Variants in MMS19 observed in about 807,000 individuals in gnomAD.
The protein encoded by MMS19 is MMS19 cytosolic iron-sulfur assembly component.
A neutral mutation model predicts 129.8 loss-of-function variants in MMS19; 77 were observed. The ratio of observed to expected loss-of-function variants is 0.59; its 90% CI spans 0.49 to 0.72. MMS19 has a LOEUF of 0.72. MMS19 is among the 30% of genes least tolerant of loss of function. MMS19 has a pLI of 0.00. For synonymous variants in MMS19, 491 were observed against 502.8 expected (o/e 0.98, Z 0.31); for missense variants, 1,168 against 1,266.3 (o/e 0.92, Z 1.18).
chr10:97,498,393 C>A lies in MMS19; in HGVS notation c.-9G>T. The A allele has an allele frequency of 6.3e-7, 1 of 1,579,792 alleles. No individual in the cohort carries two copies. Among genetic ancestry groups the A allele is most frequent in the East Asian group, 2.3e-5 (1 of 43,486 alleles). ...GCCGCGGCAGCGGCCATAACGCGAA[C>A]TAGAGACCGTGGGAGGGGATATGGG... On this transcript the variant is annotated 5_prime_UTR_variant, in exon 1 of 31. Transcript: ENST00000438925.
chr10:97,467,042 A>C, intron 14 of MMS19, 141 bp from the exon 15 acceptor site: 3 of 874,594 alleles, frequency 3.4e-6, no homozygotes, highest in South Asian at 1.7e-5. Context: ...GCAGTGGCGT[A>C]ATCTCGGATC....
chr10:97,498,349 A>AGGC lies in MMS19; in HGVS notation c.33_35dup (p.Pro12dup), dbSNP rs757593894. ...GCACGAGGCCCCATAGGGCACCCAT[A>AGGC]GGCGCCGCCGCCTCCACAGCCGCGG... On this transcript the variant is annotated inframe_insertion, in exon 1 of 31. Coordinates refer to ENST00000438925, the MANE Select transcript of MMS19 (RefSeq NM_022362.5). The AGGC allele has an allele frequency of 7.6e-6, 12 of 1,571,392 alleles. No homozygotes were observed. The East Asian group carries it at 2.8e-4, about 37-fold the overall frequency.
At chr10:97,492,596 C>CTTTGGA in intron 1 of MMS19, among the ~76,000 whole-genome samples, 1 of 151,590 alleles carries the variant, frequency 6.6e-6, no homozygotes, top group South Asian at 2.1e-4. Flanking sequence ...CACCTGTAAT[C>CTTTGGA]CTTGCACTTT....
chr10:97,469,906 C>T (rs2034327299), intron 10 of MMS19, among the ~76,000 whole-genome samples, 183 bp from the exon 11 acceptor site: 1 of 152,070 alleles, frequency 6.6e-6, no homozygotes, highest in Non-Finnish European at 1.5e-5. Flanking sequence ...AAATAGAAGC[C>T]TAAAGAGGGA....
chr10:97,470,702 C>A (rs1365367343), intron 9 of MMS19, 73 bp downstream of exon 9: 1 of 948,994 alleles, frequency 1.1e-6, no homozygotes, highest in Non-Finnish European at 1.7e-6. Flanking sequence ...TTTTTTTCTC[C>A]ATGCTTTTAC....
At chr10:97,471,771 G>A (rs374312503) in intron 8 of MMS19, among the ~76,000 whole-genome samples, 7 of 152,174 alleles carry the variant, frequency 4.6e-5, no homozygotes, top group African/African-American at 1.4e-4. Flanking sequence ...TCAGCCTCCC[G>A]AAGTGCTGGG....
At chr10:97,459,091 C>G (rs988431705) in intron 29 of MMS19, 132 bp downstream of exon 29, 3 of 1,035,192 alleles carry the variant, frequency 2.9e-6, no homozygotes, top group Admixed American at 2.9e-5. Flanking sequence ...CCCAGAATTA[C>G]AAGATCTGTA....
At chr10:97,472,369 C>T (rs1343851286) in intron 8 of MMS19, among the ~76,000 whole-genome samples, 1 of 152,132 alleles carries the variant, frequency 6.6e-6, no homozygotes, top group Non-Finnish European at 1.5e-5. Flanking sequence ...TCCCGAGTGG[C>T]TGGGATTACA....
rs1309685452 is a variant in MMS19 at position 97,464,233 on chromosome 10, GTATA to G, written c.1757-224_1757-221del. On this transcript the variant is annotated intron_variant, in intron 18 of 30. Transcript: ENST00000438925. ...CCCAGGCTCTGCAGCAGAAGCACTTGTATATATTCTCTCCTTATTTTTCATAACA... is the reference window on the plus strand; with the variant it reads ...CCCAGGCTCTGCAGCAGAAGCACTTGTATTCTCTCCTTATTTTTCATAACA... Among the ~76,000 whole-genome samples the G allele has an allele frequency of 1.6e-4, 25 of 152,142 alleles. 1 individual carries two copies. The highest frequency in any genetic ancestry group is 1.2e-3 in the Admixed American group (19 of 15,256).
chr10:97,483,039 C>T (rs544625417), intron 2 of MMS19, among the ~76,000 whole-genome samples: 1 of 152,112 alleles, frequency 6.6e-6, no homozygotes, highest in East Asian at 1.9e-4. Context: ...GGATTACAGG[C>T]ATGAGCCACC....
At chr10:97,473,180 C>T (rs759002039) in intron 8 of MMS19, among the ~76,000 whole-genome samples, 3 of 152,118 alleles carry the variant, frequency 2.0e-5, no homozygotes, top group East Asian at 1.9e-4. Flanking sequence ...AGATTACAGG[C>T]GCCTGCTACC....
intron 8 of MMS19, among the ~76,000 whole-genome samples, chr10:97,472,158 G>T (rs2034849314): frequency 6.6e-6 from 1 of 151,778 alleles, no homozygotes. Flanking sequence ...TTATAGAGAG[G>T]AAGAAAAAAA....
Position 97,494,690 on chromosome 10 carries a change from C to T in MMS19, c.112+3583G>A, listed in dbSNP as rs939576544. ...TTATATCCATCACCTGCAAATTCAA[C>T]GTGTTCAAAAATCACATTCTCTGAA... On this transcript the variant is annotated intron_variant, in intron 1 of 30. Coordinates refer to ENST00000438925, the MANE Select transcript of MMS19 (RefSeq NM_022362.5). Among the ~76,000 whole-genome samples the T allele has an allele frequency of 3.3e-5, 5 of 152,170 alleles. No individual in the cohort carries two copies. The East Asian group carries it at 5.8e-4, about 18-fold the overall frequency.
At chr10:97,462,803 A>C (rs2032366100) in intron 19 of MMS19, 121 bp from the exon 20 acceptor site, 1 of 745,950 alleles carries the variant, frequency 1.3e-6, no homozygotes, top group East Asian at 2.7e-5. Context: ...AGCAGTTCTT[A>C]ATCTGGTCTC....
intron 1 of MMS19, among the ~76,000 whole-genome samples, chr10:97,494,511 T>C (rs2039466815): frequency 6.6e-6 from 1 of 152,222 alleles, no homozygotes; most frequent in Non-Finnish European, 1.5e-5. Context: ...TTTCTGCTGA[T>C]AATGCCTCAG....
chr10:97,484,646 T>C (rs1246164950), intron 1 of MMS19, among the ~76,000 whole-genome samples: 2 of 152,274 alleles, frequency 1.3e-5, no homozygotes, highest in East Asian at 3.9e-4. Flanking sequence ...TGGCCGGGTG[T>C]GGTGGCTCAT....
chr10:97,497,735 G>A (rs577632032), intron 1 of MMS19, among the ~76,000 whole-genome samples: 1 of 152,356 alleles, frequency 6.6e-6, no homozygotes, highest in Admixed American at 6.5e-5. Flanking sequence ...CGGAGAGAAA[G>A]TCTTAAGGAG....
Position 97,477,052 on chromosome 10 carries a change from T to C in MMS19, c.494-89A>G, listed in dbSNP as rs1046361347. ...AGCCTGTGTTCTCCCTCTGCTATCA[T>C]TGCCTCCCCTTTCTCTTCAGGGCTG... On this transcript the variant is annotated intron_variant, in intron 6 of 30. Coordinates refer to ENST00000438925, the MANE Select transcript of MMS19 (RefSeq NM_022362.5). 1.3e-5 allele frequency: 20 copies of C among 1,579,420 alleles called. 1 individual carries two copies. Among genetic ancestry groups the C allele is most frequent in the African/African-American group, 2.7e-5 (2 of 73,634 alleles).
chr10:97,459,611 G>A (rs891566033), intron 27 of MMS19, 48 bp downstream of exon 27: 3 of 1,599,688 alleles, frequency 1.9e-6, no homozygotes, highest in African/African-American at 2.7e-5. Context: ...CCCATCTGGG[G>A]AAGAATAGCT....
Sources: gnomAD v4.1 joint callset for allele counts (sites outside exome capture counted in the v4.1 genomes callset) on GRCh38, gnomAD v4.1.1 for gene constraint, MANE v1.5 for transcripts, NCBI Gene and HGNC (gene_info 2026-07-23, HGNC 2026-07-21) for gene names.